Variants in PTPRM observed in about 807,000 individuals in gnomAD.
The protein encoded by PTPRM is receptor-type tyrosine-protein phosphatase mu.
Under a neutral mutation model 186.7 loss-of-function variants are expected in PTPRM, and 47 were observed. The ratio of observed to expected loss-of-function variants is 0.25; its 90% CI spans 0.20 to 0.32. The LOEUF (loss-of-function observed/expected upper bound fraction) is 0.32, where lower values mean the gene tolerates loss of function less well. PTPRM is among the 10% of genes least tolerant of loss of function. The pLI, the probability that PTPRM is intolerant of heterozygous loss-of-function variation, is 1.00. For synonymous variants in PTPRM, 668 were observed against 674.9 expected (o/e 0.99, Z 0.16); for missense variants, 1,494 against 1,865.0 (o/e 0.80, Z 3.66).
At chr18:8,025,466 A>G (rs1348540257) in intron 7 of PTPRM, among the ~76,000 whole-genome samples, 2 of 152,134 alleles carry the variant, frequency 1.3e-5, no homozygotes, top group African/African-American at 4.8e-5. Context: ...GTGCCAGGAG[A>G]AGTTTCTTCT....
intron 14 of PTPRM, among the ~76,000 whole-genome samples, chr18:8,184,115 C>T (rs939566723): frequency 6.6e-6 from 1 of 151,286 alleles, no homozygotes; most frequent in Non-Finnish European, 1.5e-5. Context: ...GCCACCCTAA[C>T]CAGAAGATCT....
At chr18:7,842,882 C>A (rs1388576855) in intron 2 of PTPRM, among the ~76,000 whole-genome samples, 1 of 58,832 alleles carries the variant, frequency 1.7e-5, no homozygotes, top group Non-Finnish European at 3.3e-5. Context: ...ATATGTTTCT[C>A]GTGTGTATAT....
intron 23 of PTPRM, among the ~76,000 whole-genome samples, chr18:8,368,171 C>G (rs985670177): frequency 2.7e-5 from 4 of 150,724 alleles, no homozygotes; most frequent in African/African-American, 9.8e-5. Context: ...AAAACTAATC[C>G]CCCAATATAC....
intron 29 of PTPRM, among the ~76,000 whole-genome samples, chr18:8,383,360 G>T (rs2095751322): frequency 7.8e-6 from 1 of 128,178 alleles, no homozygotes; most frequent in South Asian, 2.8e-4. Context: ...AAAGTTATAG[G>T]AATAAGAAGT....
chr18:8,088,597 G>C (rs936312434), intron 10 of PTPRM, 152 bp from the exon 11 acceptor site: 11 of 635,682 alleles, frequency 1.7e-5, no homozygotes, highest in Non-Finnish European at 2.8e-5. Context: ...TCTATGTAGG[G>C]AATATATGTG....
intron 14 of PTPRM, among the ~76,000 whole-genome samples, chr18:8,233,892 G>C (rs1412708046): frequency 6.6e-6 from 1 of 152,060 alleles, no homozygotes; most frequent in African/African-American, 2.4e-5. Context: ...ACCACCATTT[G>C]TTGTCCATTG....
intron 7 of PTPRM, among the ~76,000 whole-genome samples, chr18:8,037,863 A>G (rs1851980753): frequency 6.6e-6 from 1 of 152,180 alleles, no homozygotes; most frequent in Non-Finnish European, 1.5e-5. Context: ...GGTGCGAGCC[A>G]TAGTGTTGTA....
At chr18:7,741,554 A>G (rs1180860046) in intron 1 of PTPRM, 1 of 152,242 alleles carries the variant, frequency 6.6e-6, no homozygotes. Context: ...TCAGTTAACG[A>G]AAACACATCG....
At chr18:8,236,716 A>G (rs2094349652) in intron 14 of PTPRM, among the ~76,000 whole-genome samples, 1 of 151,572 alleles carries the variant, frequency 6.6e-6, no homozygotes, top group Non-Finnish European at 1.5e-5. Flanking sequence ...TAATTTTTGT[A>G]TTTTTGGTAG....
At position 8,376,523 on chromosome 18, in the gene PTPRM, A is replaced by T; in HGVS notation, c.3388A>T (p.Arg1130Trp). 6.2e-7 allele frequency: 1 copy of T among 1,614,060 alleles called. No homozygotes were observed. The highest frequency in any genetic ancestry group is 8.5e-7 in the Non-Finnish European group (1 of 1,180,004). ...VIDIMLDMAE[R>W]EGVVDIYNCV... is the part of the protein sequence containing the mutation. The stretch of plus-strand genomic sequence containing the variant: ...TGATATCATGTTGGACATGGCCGAA[A>T]GGGAAGGGGTCGTAGACATCTACAA... The change falls in exon 26 of 33, where the codon AGG (arginine) becomes TGG (tryptophan). Residue 1130 changes from arginine to tryptophan, a missense_variant. Arg to Trp is a moderately radical substitution (Grantham distance 101, BLOSUM62 -3). Around this residue, in one of 3 missense-constraint regions of PTPRM, gnomAD observed 1,107 missense variants for 1,350.2 expected, o/e 0.82. Transcript: ENST00000580170.
intron 3 of PTPRM, among the ~76,000 whole-genome samples, chr18:7,888,701 A>G (rs1365091798): frequency 6.6e-6 from 1 of 152,202 alleles, no homozygotes; most frequent in African/African-American, 2.4e-5. Flanking sequence ...AGCACAATTC[A>G]TAATAGCAAA....
At chr18:7,742,551 A>ACTC (rs561584920) in intron 1 of PTPRM, among the ~76,000 whole-genome samples, 46 of 152,304 alleles carry the variant, frequency 3.0e-4, no homozygotes, top group Admixed American at 2.7e-3. Flanking sequence ...TTTTTAAGGA[A>ACTC]CTCCTATCTG....
intron 15 of PTPRM, among the ~76,000 whole-genome samples, chr18:8,245,617 G>C (rs973103274): frequency 2.0e-5 from 3 of 152,100 alleles, no homozygotes; most frequent in Non-Finnish European, 4.4e-5. Flanking sequence ...CATTCGTTGT[G>C]GGCTGGAATT....
intron 2 of PTPRM, among the ~76,000 whole-genome samples, chr18:7,842,990 C>T (rs2046429059): frequency 8.3e-6 from 1 of 121,150 alleles, no homozygotes; most frequent in Non-Finnish European, 1.7e-5. Context: ...ATTATATGAG[C>T]CAGGTTCCTC....
chr18:8,335,332 G>A lies in PTPRM; in HGVS notation c.2957-8091G>A, dbSNP rs1041658198. 4.0e-5 allele frequency among the ~76,000 whole-genome samples: 6 copies of A among 150,884 alleles called. No individual in the cohort carries two copies. In the South Asian group the frequency reaches 8.3e-4, roughly 21 times the overall value. On this transcript the variant is annotated intron_variant, in intron 22 of 32. Coordinates refer to ENST00000580170, the MANE Select transcript of PTPRM (RefSeq NM_001105244.2). ...ACAATGCTAGTCCTGCTACTGCGTC[G>A]CCAGTCAGACCTAAGCTCTTCCTGA...
chr18:8,211,399 T>TTTG (rs1786493371), intron 14 of PTPRM, among the ~76,000 whole-genome samples: 1 of 140,466 alleles, frequency 7.1e-6, no homozygotes, highest in African/African-American at 2.7e-5. Context: ...TTTTTTTTTT[T>TTTG]TTTGTTTGTT....
At chr18:7,912,259 A>C (rs549997421) in intron 4 of PTPRM, among the ~76,000 whole-genome samples, 71 of 152,278 alleles carry the variant, frequency 4.7e-4, no homozygotes, top group African/African-American at 1.7e-3. Context: ...ATATGCAGTT[A>C]TTCCAGCACC....
chr18:7,799,329 G>A (rs1437970775), intron 2 of PTPRM, among the ~76,000 whole-genome samples: 1 of 152,162 alleles, frequency 6.6e-6, no homozygotes, highest in African/African-American at 2.4e-5. Flanking sequence ...CATCTCCCAA[G>A]TGCCCCCCTT....
chr18:7,824,713 C>A (rs1279687630), intron 2 of PTPRM, among the ~76,000 whole-genome samples: 2 of 152,118 alleles, frequency 1.3e-5, no homozygotes, highest in African/African-American at 4.8e-5. Flanking sequence ...AAAACACCAT[C>A]CAAACTGTGG....
Sources: allele counts gnomAD v4.1 joint callset (sites outside exome capture counted in the v4.1 genomes callset), GRCh38; gene constraint gnomAD v4.1.1; regional missense constraint gnomAD v4.1.1; transcripts MANE v1.5; gene names NCBI Gene and HGNC (gene_info 2026-07-23, HGNC 2026-07-21).